FOXP4: variants seen among roughly 807,000 people sequenced by gnomAD.
FOXP4 encodes the protein forkhead box protein P4.
FOXP4 carries 25 observed loss-of-function variants against 82.6 expected under a neutral mutation model. That is an observed-to-expected ratio of 0.30 (90% CI 0.22 to 0.42). The LOEUF is 0.42. FOXP4 is among the 10% of genes least tolerant of loss of function. The pLI, the probability that FOXP4 is intolerant of heterozygous loss-of-function variation, is 1.00. For missense variants in FOXP4, 785 were observed against 900.9 expected (o/e 0.87, Z 1.65); for synonymous variants, 415 against 388.2 (o/e 1.07, Z -0.81).
chr6:41,596,915 T>C (rs1248701439), intron 14 of FOXP4, among the ~76,000 whole-genome samples: 2 of 152,064 alleles, frequency 1.3e-5, no homozygotes, highest in Non-Finnish European at 2.9e-5. Context: ...ACTTCCCAGC[T>C]CCGAGACCTG....
chr6:41,591,393 G>C lies in FOXP4; in HGVS notation c.1536+71G>C. 3 of 1,319,814 alleles carry C rather than the reference G, an allele frequency of 2.3e-6. No homozygotes were observed. In the South Asian group the frequency reaches 3.8e-5, roughly 17 times the overall value. 81.8% of individuals were successfully genotyped at this position (1,319,814 alleles called of 1,614,324 possible). ...CCTGCCATATCCCATGGAGACCAAG[G>C]CTGCCTAACAATTAGTTCCCTAAAC... On this transcript the variant is annotated intron_variant, in intron 13 of 16. Transcript: ENST00000307972. The surrounding 1 kb of genome is among the most constrained non-coding windows in gnomAD (Gnocchi z 4.2).
At chr6:41,564,679 G>A (rs986584121) in intron 1 of FOXP4, among the ~76,000 whole-genome samples, 1 of 152,134 alleles carries the variant, frequency 6.6e-6, no homozygotes, top group African/African-American at 2.4e-5. Flanking sequence ...TAAAATTGGC[G>A]TGATAACTCT....
chr6:41,587,130 C>G lies in FOXP4; in HGVS notation c.632C>G (p.Ser211Trp). ...GTCAGCCTGCAGCCCAACCAAGCCT[C>G]GGGGCCCCTCCAGACCCTTCCGCAA... is the stretch of plus-strand genomic sequence containing the variant. ...GLVSLQPNQA[S>W]GPLQTLPQAA... The change falls in exon 6 of 17, where the codon TCG becomes TGG. Residue 211 changes from serine to tryptophan, a missense_variant. Ser to Trp is a radical substitution (Grantham distance 177). Transcript: ENST00000307972. 1 of 1,607,022 alleles carries G rather than the reference C, an allele frequency of 6.2e-7. No homozygotes were observed. Among genetic ancestry groups the G allele is most frequent in the Non-Finnish European group, 8.5e-7 (1 of 1,176,732 alleles).
At chr6:41,585,622 C>G (rs1766066474) in intron 5 of FOXP4, 105 bp downstream of exon 5, 1 of 1,051,676 alleles carries the variant, frequency 9.5e-7, no homozygotes, top group Non-Finnish European at 1.4e-6. Flanking sequence ...GTAGAAAAAT[C>G]TAGAAAAGGC....
At chr6:41,573,500 G>T (rs1056618410) in intron 2 of FOXP4, among the ~76,000 whole-genome samples, 3 of 152,124 alleles carry the variant, frequency 2.0e-5, no homozygotes, top group African/African-American at 7.2e-5. Context: ...GGAGAGTTCA[G>T]CTTCATTAGC....
intron 3 of FOXP4, among the ~76,000 whole-genome samples, chr6:41,583,393 C>G (rs558554353): frequency 6.6e-6 from 1 of 152,360 alleles, no homozygotes; most frequent in African/African-American, 2.4e-5. Flanking sequence ...CTCCCCTACC[C>G]CACAGGTGAG....
In FOXP4 at chr6:41,584,895, A is replaced by G; in HGVS notation, c.423+4A>G. 1.2e-6 allele frequency: 2 copies of G among 1,608,040 alleles called. No homozygotes were observed. Among genetic ancestry groups the G allele is most frequent in the Non-Finnish European group, 8.5e-7 (1 of 1,177,998 alleles). ...GCAAGCCCTCATGCTCCAGCAGGTG[A>G]GTCTGGCCCCAGGGCAGCTGGTCCC... is the stretch of plus-strand genomic sequence containing the variant. On this transcript the variant is annotated splice_donor_region_variant and intron_variant, in intron 4 of 16. Transcript: ENST00000307972.
Position 41,591,216 on chromosome 6 carries a change from C to G in FOXP4, c.1435-5C>G. 1 of 1,604,638 alleles carries G rather than the reference C, an allele frequency of 6.2e-7. No homozygotes were observed. The highest frequency in any genetic ancestry group is 8.5e-7 in the Non-Finnish European group (1 of 1,175,314). On this transcript the variant is annotated splice_polypyrimidine_tract_variant and splice_region_variant and intron_variant, in intron 12 of 16. Coordinates refer to ENST00000307972, the MANE Select transcript of FOXP4 (RefSeq NM_001012426.2). The surrounding 1 kb of genome is among the most constrained non-coding windows in gnomAD (Gnocchi z 4.2). ...ACGGTCCCTTTGCTTGTTCCTTCCC[C>G]GCAGGCCATCCTGGAAACCCCTGAC...
intron 2 of FOXP4, among the ~76,000 whole-genome samples, chr6:41,575,321 G>C (rs181285453): frequency 2.0e-5 from 3 of 152,206 alleles, no homozygotes; most frequent in South Asian, 4.1e-4. Flanking sequence ...TGAGCCCTGG[G>C]GGGGCAGAGG....
In FOXP4 at chr6:41,560,161, AGT is replaced by A. The variant is rs369470401; in HGVS notation, c.-16-5581_-16-5580del. Among the ~76,000 whole-genome samples the A allele has an allele frequency of 5.7e-3, 871 of 152,306 alleles. 8 individuals carry two copies. Among genetic ancestry groups the A allele is most frequent in the African/African-American group, 0.02 (835 of 41,566 alleles). ...CAAGTCACTCTAGTAGGCCAGGTGC[AGT>A]GTCTCAGGCCAGTAATCCCAGCACT... On this transcript the variant is annotated intron_variant, in intron 1 of 16. Transcript: ENST00000307972.
At chr6:41,556,295 T>C (rs1211482805) in intron 1 of FOXP4, among the ~76,000 whole-genome samples, 5 of 151,320 alleles carry the variant, frequency 3.3e-5, no homozygotes, top group Non-Finnish European at 7.4e-5. Context: ...GGAGGGGCTA[T>C]AGGAAAGCAC....
chr6:41,597,281 C>T (rs371523086), intron 15 of FOXP4, 39 bp downstream of exon 15: 200 of 1,601,588 alleles, frequency 1.2e-4, no homozygotes, highest in Non-Finnish European at 1.6e-4. Flanking sequence ...CTCTACCTCC[C>T]GCCCCCTTGC....
intron 2 of FOXP4, among the ~76,000 whole-genome samples, chr6:41,569,717 A>G (rs1381531928): frequency 6.6e-6 from 1 of 151,686 alleles, no homozygotes; most frequent in East Asian, 1.9e-4. Flanking sequence ...TGGAGTGCGC[A>G]CTCCCATTGT....
intron 3 of FOXP4, among the ~76,000 whole-genome samples, chr6:41,581,696 A>G (rs1278644245): frequency 1.3e-5 from 2 of 152,078 alleles, no homozygotes; most frequent in Non-Finnish European, 2.9e-5. Context: ...CACTTCCCAG[A>G]CCCTTTGTGA....
chr6:41,578,674 C>A (rs1002026506), intron 3 of FOXP4, among the ~76,000 whole-genome samples: 1 of 142,212 alleles, frequency 7.0e-6, no homozygotes, highest in Non-Finnish European at 1.5e-5. Flanking sequence ...AGCTTGCCAG[C>A]CCATCTGGCT....
At chr6:41,580,408 G>T (rs1399775215) in intron 3 of FOXP4, among the ~76,000 whole-genome samples, 4 of 152,254 alleles carry the variant, frequency 2.6e-5, no homozygotes, top group Non-Finnish European at 4.4e-5. Context: ...TCTGCATTGT[G>T]ACGATCCCTT....
chr6:41,552,438 C>G (rs960940808), intron 1 of FOXP4, among the ~76,000 whole-genome samples: 1 of 152,156 alleles, frequency 6.6e-6, no homozygotes, highest in East Asian at 1.9e-4. Context: ...TCAGGCCATG[C>G]TGAGGGTGTA....
In FOXP4 at chr6:41,565,721, C is replaced by G. The variant is rs1260271090; in HGVS notation, c.-16-24C>G. 17 of 1,558,860 alleles carry G rather than the reference C, an allele frequency of 1.1e-5. No homozygotes were observed. In the Admixed American group the frequency reaches 1.9e-4, roughly 18 times the overall value. On this transcript the variant is annotated intron_variant, in intron 1 of 16. Coordinates refer to ENST00000307972, the MANE Select transcript of FOXP4 (RefSeq NM_001012426.2). ...TTCAGCCTTCAGCCTCAGCCTCTCC[C>G]CTGTGTCTCTCTTCCTCCTCCAGGT...
rs775110588 is a variant in FOXP4, at chr6:41,587,330, G to A, written c.690G>A (p.Leu230=). 1 of 1,612,708 alleles carries A rather than the reference G, an allele frequency of 6.2e-7. No individual in the cohort carries two copies. The highest frequency in any genetic ancestry group is 1.3e-5 in the African/African-American group (1 of 74,920). ...TTTGCCCAACAGACCTGCCCCAGCT[G>A]TGGAAGGGCGAGGGTGCCCCCGGGC... is the stretch of plus-strand genomic sequence containing the variant. The part of the protein sequence containing the change: ...AAVCPTDLPQ[L]WKGEGAPGQP... The change falls in exon 7 of 17, where the codon CTG becomes CTA. Residue 230 remains leucine (L), a synonymous_variant. Transcript: ENST00000307972.
Sources: gnomAD v4.1 joint callset for allele counts (sites outside exome capture counted in the v4.1 genomes callset) on GRCh38, gnomAD v4.1.1 for gene constraint, Gnocchi (gnomAD v3.1) non-coding constraint, MANE v1.5 for transcripts, NCBI Gene and HGNC (gene_info 2026-07-23, HGNC 2026-07-21) for gene names.